Variants in PDE7B observed in about 807,000 individuals in gnomAD.
PDE7B encodes the protein phosphodiesterase 7B, also known as 3',5'-cyclic-AMP phosphodiesterase 7B.
Under a neutral mutation model 56.2 loss-of-function variants are expected in PDE7B, and 29 were observed. The observed-to-expected ratio is 0.52, with a 90% CI of 0.38 to 0.70. The LOEUF is 0.70. Ranked by LOEUF, PDE7B falls within the 30% of genes least tolerant of loss-of-function variation. The pLI, the probability that PDE7B is intolerant of heterozygous loss-of-function variation, is 0.00. For synonymous variants in PDE7B, 197 were observed against 196.9 expected (o/e 1.00, Z 0.00); for missense variants, 490 against 565.0 (o/e 0.87, Z 1.35).
At chr6:135,960,781 A>G (rs1020252149) in intron 2 of PDE7B, among the ~76,000 whole-genome samples, 2 of 152,216 alleles carry the variant, frequency 1.3e-5, no homozygotes, top group Non-Finnish European at 2.9e-5. Context: ...ACTGAATTCT[A>G]TCACCATTCC....
rs186052101 is a variant in PDE7B, at chr6:135,867,843, A to G, written c.21+15824A>G. 4.1e-3 allele frequency among the ~76,000 whole-genome samples: 629 copies of G among 152,346 alleles called. 9 individuals are homozygous for G. The highest frequency in any genetic ancestry group is 0.02 in the South Asian group (96 of 4,832). ...AAGAGTTATCACAAACTGGAGCTGC[A>G]GAAGTAGATAATAGCACTAAGATAC... On this transcript the variant is annotated intron_variant, in intron 1 of 12. Transcript: ENST00000308191.
intron 3 of PDE7B, among the ~76,000 whole-genome samples, chr6:136,113,194 G>A (rs1396996075): frequency 6.6e-6 from 1 of 152,100 alleles, no homozygotes; most frequent in African/African-American, 2.4e-5. Context: ...TAATGCATAA[G>A]TTATTTAGCT....
At chr6:135,898,971 G>T (rs1440584014) in intron 1 of PDE7B, among the ~76,000 whole-genome samples, 1 of 152,102 alleles carries the variant, frequency 6.6e-6, no homozygotes, top group Admixed American at 6.6e-5. Flanking sequence ...GTTGAGGGGG[G>T]CGCCAGGTGG....
intron 8 of PDE7B, among the ~76,000 whole-genome samples, chr6:136,158,397 G>T (rs1778647332): frequency 6.6e-6 from 1 of 152,132 alleles, no homozygotes; most frequent in South Asian, 2.1e-4. Flanking sequence ...ATGCACATTT[G>T]GTCAACAAGA....
At chr6:135,966,287 C>T (rs1774996696) in intron 2 of PDE7B, among the ~76,000 whole-genome samples, 1 of 152,104 alleles carries the variant, frequency 6.6e-6, no homozygotes, top group Non-Finnish European at 1.5e-5. Flanking sequence ...AGGGGGCTAC[C>T]TCCGCTTCTG....
chr6:136,009,055 C>A (rs934138396), intron 2 of PDE7B, among the ~76,000 whole-genome samples: 1 of 151,738 alleles, frequency 6.6e-6, no homozygotes, highest in African/African-American at 2.4e-5. Context: ...CTACATATGG[C>A]TAGCCAGTTT....
At chr6:135,860,884 A>G (rs1775132713) in intron 1 of PDE7B, among the ~76,000 whole-genome samples, 1 of 151,886 alleles carries the variant, frequency 6.6e-6, no homozygotes, top group African/African-American at 2.4e-5. Context: ...AGCACACATA[A>G]CAGAAAATTA....
rs550226310 is a variant in PDE7B, at chr6:136,058,742, G to T, written c.83-49989G>T. Among the ~76,000 whole-genome samples, 5 of 152,246 alleles carry T rather than the reference G, an allele frequency of 3.3e-5. No individual in the cohort carries two copies. The Middle Eastern group carries it at 0.014, about 414-fold the overall frequency. ...TGTAAGAGAGGGGATGAGGAAGAGA[G>T]ATTTTAATGGGTGGTATTTTACAGA... is the stretch of plus-strand genomic sequence containing the variant. On this transcript the variant is annotated intron_variant, in intron 2 of 12. Transcript: ENST00000308191.
intron 2 of PDE7B, chr6:136,038,669 T>G: frequency 1.9e-6 from 1 of 535,572 alleles, no homozygotes; most frequent in South Asian, 2.0e-5. Flanking sequence ...ATGTCTGCTG[T>G]ATGATAGAAA....
intron 2 of PDE7B, chr6:136,044,042 C>T (rs1776457082): frequency 6.6e-6 from 1 of 152,070 alleles, no homozygotes; most frequent in Admixed American, 6.6e-5. Flanking sequence ...GTTTTCTGCT[C>T]ATTGTTCTCA....
chr6:135,852,777 C>CA lies in PDE7B; in HGVS notation c.21+759dup, dbSNP rs1336721412. Among the ~76,000 whole-genome samples the CA allele has an allele frequency of 3.9e-5, 6 of 152,184 alleles. 1 individual carries two copies. The highest frequency in any genetic ancestry group is 8.8e-5 in the Non-Finnish European group (6 of 68,030). ...TTCCTACAATAGTTGAAAATGGAGT[C>CA]AGATATTCAATTAGGGGCTTAAGTG... On this transcript the variant is annotated intron_variant, in intron 1 of 12. Coordinates refer to ENST00000308191, the MANE Select transcript of PDE7B (RefSeq NM_018945.4).
intron 9 of PDE7B, among the ~76,000 whole-genome samples, chr6:136,175,793 G>C (rs761759803): frequency 1.3e-5 from 2 of 152,030 alleles, no homozygotes; most frequent in African/African-American, 4.8e-5. Context: ...AGTATTTGTA[G>C]ATAAAAATTA....
At chr6:135,926,382 C>T (rs1326215145) in intron 1 of PDE7B, among the ~76,000 whole-genome samples, 2 of 152,000 alleles carry the variant, frequency 1.3e-5, no homozygotes, top group Non-Finnish European at 2.9e-5. Context: ...CCACCATGCC[C>T]GGCAAACCTC....
At chr6:135,955,614 G>C (rs117772936) in intron 2 of PDE7B, among the ~76,000 whole-genome samples, 96 of 152,154 alleles carry the variant, frequency 6.3e-4, no homozygotes, top group Non-Finnish European at 1.1e-3. Flanking sequence ...AGCTACAAGG[G>C]GAGATACACA....
intron 2 of PDE7B, among the ~76,000 whole-genome samples, chr6:135,971,955 C>T (rs2128202980): frequency 6.6e-6 from 1 of 152,122 alleles, no homozygotes; most frequent in African/African-American, 2.4e-5. Flanking sequence ...CAGGGATGTG[C>T]CGGGCACGGT....
At chr6:136,148,982 C>T (rs548978629) in intron 4 of PDE7B, 105 bp from the exon 5 acceptor site, 4 of 782,334 alleles carry the variant, frequency 5.1e-6, no homozygotes, top group South Asian at 4.7e-5. Flanking sequence ...TGGTAGTATG[C>T]TAGGATTTTC....
chr6:135,877,767 A>G (rs913752021), intron 1 of PDE7B, among the ~76,000 whole-genome samples: 15 of 151,154 alleles, frequency 9.9e-5, no homozygotes, highest in Non-Finnish European at 1.8e-4. Flanking sequence ...AAAAAAAAAA[A>G]GGGAGGGGCA....
At chr6:136,018,472 A>T (rs953606934) in intron 2 of PDE7B, among the ~76,000 whole-genome samples, 1 of 152,204 alleles carries the variant, frequency 6.6e-6, no homozygotes, top group Non-Finnish European at 1.5e-5. Flanking sequence ...ACTCCTCAAC[A>T]TCACAAACAA....
intron 9 of PDE7B, among the ~76,000 whole-genome samples, chr6:136,177,292 C>T (rs1447933256): frequency 1.3e-5 from 2 of 151,900 alleles, no homozygotes; most frequent in Non-Finnish European, 2.9e-5. Context: ...GTGAAACCCC[C>T]ATCTCTATTT....
Sources: gnomAD v4.1 joint callset for allele counts (sites outside exome capture counted in the v4.1 genomes callset) on GRCh38, gnomAD v4.1.1 for gene constraint, MANE v1.5 for transcripts, NCBI Gene and HGNC (gene_info 2026-07-23, HGNC 2026-07-21) for gene names.